Variants in CRYBG1 observed in about 807,000 individuals in gnomAD.
CRYBG1 encodes the protein beta/gamma crystallin domain-containing protein 1.
A neutral mutation model predicts 189.2 loss-of-function variants in CRYBG1; 139 were observed. The ratio of observed to expected loss-of-function variants is 0.73; its 90% CI spans 0.64 to 0.85. CRYBG1 has a LOEUF of 0.85. Among genes scored for constraint, CRYBG1 ranks in the 40% least tolerant of loss-of-function variants. CRYBG1 has a pLI of 0.00. For synonymous variants in CRYBG1, 1,023 were observed against 1,017.1 expected (o/e 1.01, Z -0.11); for missense variants, 2,611 against 2,675.8 (o/e 0.98, Z 0.53).
chr6:106,487,592 G>A (rs1014551109), intron 2 of CRYBG1, among the ~76,000 whole-genome samples: 9 of 152,060 alleles, frequency 5.9e-5, no homozygotes, highest in Non-Finnish European at 1.2e-4. Flanking sequence ...CAGAAGCCAC[G>A]TTTACTGTAT....
At position 106,543,565 on chromosome 6, in the gene CRYBG1, G is replaced by A. The variant is rs192033591; in HGVS notation, c.5007G>A (p.Thr1669=). Residue 1669 remains threonine (T), a synonymous_variant, in exon 11 of 22, where the codon ACG becomes ACA. Coordinates refer to ENST00000633556, the MANE Select transcript of CRYBG1 (RefSeq NM_001371242.2). ...CTGGAGACGATCATTTGCCGTTTAC[G>A]TCAGTGGGGTCTATGAAAGTTCTAA... is the stretch of plus-strand genomic sequence containing the variant. ...EATGDDHLPF[T]SVGSMKVLRG... is the part of the protein sequence containing the mutation. 20 of 1,614,040 alleles carry A rather than the reference G, an allele frequency of 1.2e-5. No homozygotes were observed. The highest frequency in any genetic ancestry group is 1.7e-4 in the Middle Eastern group (1 of 6,060).
intron 2 of CRYBG1, among the ~76,000 whole-genome samples, chr6:106,474,903 T>G (rs1238020234): frequency 6.6e-6 from 1 of 152,224 alleles, no homozygotes; most frequent in Non-Finnish European, 1.5e-5. Flanking sequence ...AAACATATGG[T>G]ATGTGAGCTT....
intron 1 of CRYBG1, among the ~76,000 whole-genome samples, chr6:106,399,220 A>G (rs544305618): frequency 6.6e-6 from 1 of 152,348 alleles, no homozygotes; most frequent in Admixed American, 6.5e-5. Context: ...GCCCTTTGTT[A>G]ATTTTGTATG....
chr6:106,436,140 T>A (rs1771448607), intron 1 of CRYBG1, among the ~76,000 whole-genome samples: 1 of 151,384 alleles, frequency 6.6e-6, no homozygotes, highest in Non-Finnish European at 1.5e-5. Context: ...TTATTAAATG[T>A]TTTTCTTATT....
chr6:106,419,659 C>T (rs1458005254), intron 1 of CRYBG1, among the ~76,000 whole-genome samples: 1 of 152,234 alleles, frequency 6.6e-6, no homozygotes, highest in African/African-American at 2.4e-5. Context: ...GCTGGGATTA[C>T]AGGCGTGAGC....
intron 2 of CRYBG1, among the ~76,000 whole-genome samples, chr6:106,490,190 A>T (rs1772688242): frequency 6.6e-6 from 1 of 152,244 alleles, no homozygotes; most frequent in Admixed American, 6.5e-5. Flanking sequence ...TTCTTAAAAG[A>T]GCCAGGAGAA....
intron 2 of CRYBG1, among the ~76,000 whole-genome samples, chr6:106,469,471 A>G (rs1772184322): frequency 6.6e-6 from 1 of 152,156 alleles, no homozygotes; most frequent in South Asian, 2.1e-4. Flanking sequence ...TGCTTGGTAA[A>G]TATTTCTTGA....
intron 1 of CRYBG1, among the ~76,000 whole-genome samples, chr6:106,411,081 A>G (rs1324159051): frequency 6.6e-6 from 1 of 152,196 alleles, no homozygotes; most frequent in Non-Finnish European, 1.5e-5. Flanking sequence ...TGGGAGATTG[A>G]TTTTAATCTT....
rs753106776 is a variant in CRYBG1, at chr6:106,538,338, G to A, written c.4719-1065G>A. 7.0e-4 allele frequency among the ~76,000 whole-genome samples: 106 copies of A among 152,230 alleles called. 2 individuals carry two copies. Among genetic ancestry groups the A allele is most frequent in the Non-Finnish European group, 4.3e-4 (29 of 68,022 alleles). On this transcript the variant is annotated intron_variant, in intron 8 of 21. Coordinates refer to ENST00000633556, the MANE Select transcript of CRYBG1 (RefSeq NM_001371242.2). ...CTGATTTCTGGCACATTAGAGGAGGGTGGGGCTGCTGGTTCCCCAACTGAA... is the reference window on the plus strand; with the variant it reads ...CTGATTTCTGGCACATTAGAGGAGGATGGGGCTGCTGGTTCCCCAACTGAA...
At chr6:106,465,299 G>C (rs888631858) in intron 2 of CRYBG1, among the ~76,000 whole-genome samples, 3 of 152,202 alleles carry the variant, frequency 2.0e-5, no homozygotes, top group Non-Finnish European at 4.4e-5. Context: ...ATGGCCAAAA[G>C]ACCAGAGTTG....
chr6:106,482,518 A>G (rs182273863), intron 2 of CRYBG1, among the ~76,000 whole-genome samples: 171 of 152,240 alleles, frequency 1.1e-3, no homozygotes, highest in Non-Finnish European at 1.6e-3. Flanking sequence ...GCTCACGCCT[A>G]TAATCCCAGC....
chr6:106,482,069 C>G (rs1772474866), intron 2 of CRYBG1, among the ~76,000 whole-genome samples: 1 of 151,900 alleles, frequency 6.6e-6, no homozygotes, highest in Non-Finnish European at 1.5e-5. Context: ...GTCCTCTGCA[C>G]AGGGTCTTGC....
chr6:106,416,001 A>G (rs1370032222), intron 1 of CRYBG1, among the ~76,000 whole-genome samples: 1 of 152,128 alleles, frequency 6.6e-6, no homozygotes, highest in Non-Finnish European at 1.5e-5. Flanking sequence ...CAATCAAGAA[A>G]GCATAAGCCT....
At chr6:106,379,507 C>T (rs1403180380) in intron 1 of CRYBG1, among the ~76,000 whole-genome samples, 12 of 151,956 alleles carry the variant, frequency 7.9e-5, no homozygotes, top group Middle Eastern at 6.8e-3. Context: ...GTGATCCACC[C>T]GCCTCGGCCT....
intron 1 of CRYBG1, among the ~76,000 whole-genome samples, chr6:106,399,357 C>T (rs975299638): frequency 6.6e-6 from 1 of 152,082 alleles, no homozygotes; most frequent in Non-Finnish European, 1.5e-5. Flanking sequence ...TTTAGTTTGC[C>T]CTTCTAACTT....
chr6:106,537,363 A>C (rs1774028666), intron 8 of CRYBG1, among the ~76,000 whole-genome samples: 1 of 152,170 alleles, frequency 6.6e-6, no homozygotes, highest in African/African-American at 2.4e-5. Context: ...CTAATACCAT[A>C]ATGTGTTACA....
chr6:106,450,919 C>T (rs2236072), intron 1 of CRYBG1, among the ~76,000 whole-genome samples: 41,955 of 152,006 alleles, frequency 0.28, 5,874 homozygotes, highest in East Asian at 0.37. Flanking sequence ...AATGTGGTAA[C>T]ATAAGCAAGA....
intron 8 of CRYBG1, among the ~76,000 whole-genome samples, chr6:106,534,195 T>C (rs1398843452): frequency 2.0e-5 from 3 of 152,250 alleles, no homozygotes; most frequent in African/African-American, 4.8e-5. Flanking sequence ...CTTGGCTATG[T>C]TGAAGCACAT....
intron 8 of CRYBG1, among the ~76,000 whole-genome samples, chr6:106,530,646 A>G (rs954983176): frequency 6.7e-6 from 1 of 149,934 alleles, no homozygotes; most frequent in African/African-American, 2.5e-5. Context: ...GGTAATTCAA[A>G]GCACATGCCC....
Sources: allele counts gnomAD v4.1 joint callset (sites outside exome capture counted in the v4.1 genomes callset), GRCh38; gene constraint gnomAD v4.1.1; transcripts MANE v1.5; gene names NCBI Gene and HGNC (gene_info 2026-07-23, HGNC 2026-07-21).